XPA: variants seen among roughly 807,000 people sequenced by gnomAD.
The protein encoded by XPA is DNA repair protein complementing XP-A cells.
XPA carries 27 observed loss-of-function variants against 35.7 expected under a neutral mutation model. The observed-to-expected ratio is 0.76, with a 90% confidence interval of 0.56 to 1.04. The LOEUF is 1.04. Ranked by LOEUF, XPA falls within the 50% of genes least tolerant of loss-of-function variation. The pLI, the probability that XPA is intolerant of heterozygous loss-of-function variation, is 0.00. For missense variants in XPA, 354 were observed against 342.7 expected, an observed-to-expected ratio of 1.03 and a Z score of -0.26; for synonymous variants, 133 against 118.4, an observed-to-expected ratio of 1.12 and a Z score of -0.80.
the XPA span, among the ~76,000 whole-genome samples, chr9:97,657,948 TC>T: frequency 7.6e-6 from 1 of 131,294 alleles, no homozygotes; most frequent in Non-Finnish European, 1.6e-5. Flanking sequence ...TTTTTTAACG[TC>T]CCCAGCCATT....
chr9:97,694,934 C>T (rs1212693395), intron 1 of XPA, among the ~76,000 whole-genome samples: 3 of 152,114 alleles, frequency 2.0e-5, no homozygotes, highest in Admixed American at 6.5e-5. Context: ...CACAAACTAC[C>T]AATGCACGCA....
chr9:97,660,789 C>G, the XPA span, among the ~76,000 whole-genome samples: 1 of 152,110 alleles, frequency 6.6e-6, no homozygotes, highest in Admixed American at 6.5e-5. Context: ...CTTTCACATA[C>G]GGTATTTATA....
intron 5 of XPA, among the ~76,000 whole-genome samples, chr9:97,684,526 T>A (rs1020640708): frequency 6.6e-6 from 1 of 152,220 alleles, no homozygotes; most frequent in African/African-American, 2.4e-5. Flanking sequence ...CTGAATTAGA[T>A]GACTAAGACT....
At chr9:97,675,694 G>C in intron 5 of XPA, 107 bp from the exon 6 acceptor site, 1 of 1,321,908 alleles carries the variant, frequency 7.6e-7, no homozygotes, top group Non-Finnish European at 1.1e-6. Context: ...GTGTCTATGT[G>C]TATTTAAACC....
the XPA span, chr9:97,658,618 G>A: frequency 1.3e-6 from 2 of 1,541,446 alleles, no homozygotes; most frequent in East Asian, 4.5e-5. Flanking sequence ...GATATTTTCT[G>A]AGGCTGTTAT....
chr9:97,669,490 C>G, the XPA span: 1 of 721,716 alleles, frequency 1.4e-6, no homozygotes, highest in South Asian at 1.7e-5. Flanking sequence ...ACCACAAAGA[C>G]AGGGTGGAAC....
chr9:97,695,452 T>C (rs3176642), intron 1 of XPA, among the ~76,000 whole-genome samples: 2,100 of 152,228 alleles, frequency 0.014, 102 homozygotes, highest in East Asian at 0.12. Context: ...ACTGGATGGA[T>C]AGAAATGAAT....
At chr9:97,672,006 T>G (rs1383458693), downstream of XPA, 1 of 152,186 alleles carries the variant, frequency 6.6e-6, no homozygotes, top group Non-Finnish European at 1.5e-5. Context: ...TACAGAATAC[T>G]AAAGTGGATG....
chr9:97,655,039 T>C, the XPA span: 1 of 1,125,214 alleles, frequency 8.9e-7, no homozygotes, highest in African/African-American at 1.8e-5. Context: ...AGAATTTCCA[T>C]GTTTAGTTTT....
At chr9:97,669,760 T>C in the XPA span, 1 of 1,288,008 alleles carries the variant, frequency 7.8e-7, no homozygotes, top group Non-Finnish European at 1.1e-6. Context: ...ACAAAGATTT[T>C]TCATTAAAAA....
chr9:97,693,386 CCCTG>C (rs1828949304), intron 2 of XPA, among the ~76,000 whole-genome samples: 1 of 152,176 alleles, frequency 6.6e-6, no homozygotes, highest in South Asian at 2.1e-4. Context: ...TACTGGCTAA[CCCTG>C]CCTATTATAA....
chr9:97,660,990 T>C, the XPA span: 2 of 1,612,792 alleles, frequency 1.2e-6, no homozygotes, highest in Non-Finnish European at 1.7e-6. Flanking sequence ...AGCTGTTGCC[T>C]TTAAAAGTAA....
At chr9:97,678,484 T>C (rs1319057546) in intron 5 of XPA, among the ~76,000 whole-genome samples, 1 of 152,130 alleles carries the variant, frequency 6.6e-6, no homozygotes, top group African/African-American at 2.4e-5. Flanking sequence ...ATCAGACCAT[T>C]TGAGCAACAA....
At chr9:97,655,863 CTATT>C in the XPA span, 1 of 1,375,332 alleles carries the variant, frequency 7.3e-7, no homozygotes, top group East Asian at 2.3e-5. Context: ...TTCTTGGAAA[CTATT>C]TGTAGTTAAG....
At chr9:97,671,457 AT>A, downstream of XPA, 27 of 363,536 alleles carry the variant, frequency 7.4e-5, no homozygotes, top group East Asian at 2.8e-4. Flanking sequence ...TCAGTTTGTT[AT>A]TTTTTTTCTC....
chr9:97,658,682 C>A, the XPA span: 2 of 1,613,474 alleles, frequency 1.2e-6, no homozygotes, highest in Non-Finnish European at 8.5e-7. Flanking sequence ...TTCCTCCTAC[C>A]TTCTCAGCTC....
the XPA span, among the ~76,000 whole-genome samples, chr9:97,661,579 A>C: frequency 6.6e-6 from 1 of 152,196 alleles, no homozygotes. Flanking sequence ...ATAAGATATT[A>C]GTGGCCTTTG....
In XPA at chr9:97,687,248, TATC is replaced by T. The variant is rs1554701553; in HGVS notation, c.400_402del (p.Asp134del). 6.2e-7 allele frequency: 1 copy of T among 1,606,334 alleles called. No homozygotes were observed. The highest frequency in any genetic ancestry group is 8.5e-7 in the Non-Finnish European group (1 of 1,176,584). ...TCTGTTTTGGTTATAAGCTTGTGTT[TATC>T]ATCAGCATCTCTGAAAACAGATTAA... On this transcript the variant is annotated inframe_deletion, in exon 4 of 6. Transcript: ENST00000375128.
rs3176754 is a variant in XPA, at chr9:97,674,975, T to C, written c.*464A>G. 26 of 523,520 alleles carry C rather than the reference T, an allele frequency of 5.0e-5. No individual in the cohort carries two copies. In the East Asian group the frequency reaches 1.1e-3, roughly 21 times the overall value. 32.4% of individuals were successfully genotyped at this position (523,520 alleles called of 1,614,324 possible). ...TTTTTCCAGCAGTAGTTCCCCACTG[T>C]TTCCACCATCGTGGAGACAGAAATC... On this transcript the variant is annotated 3_prime_UTR_variant, in exon 6 of 6. Coordinates refer to ENST00000375128, the MANE Select transcript of XPA (RefSeq NM_000380.4).
Sources: allele counts gnomAD v4.1 joint callset (sites outside exome capture counted in the v4.1 genomes callset), GRCh38; gene constraint gnomAD v4.1.1; transcripts MANE v1.5; gene names NCBI Gene and HGNC (gene_info 2026-07-23, HGNC 2026-07-21).